SNRK: variants seen among roughly 807,000 people sequenced by gnomAD.
SNRK encodes the protein SNF-related serine/threonine-protein kinase.
SNRK carries 3 observed loss-of-function variants against 48.2 expected under a neutral mutation model. The ratio of observed to expected loss-of-function variants is 0.06; its 90% CI spans 0.03 to 0.16. The LOEUF (loss-of-function observed/expected upper bound fraction) is 0.16, where lower values mean the gene tolerates loss of function less well. Among genes scored for constraint, SNRK ranks in the 10% least tolerant of loss-of-function variants. The pLI, the probability that SNRK is intolerant of heterozygous loss-of-function variation, is 1.00. For synonymous variants in SNRK, 376 were observed against 366.1 expected (o/e 1.03, Z -0.31); for missense variants, 627 against 976.0 (o/e 0.64, Z 4.76).
At chr3:43,306,152 A>G (rs182459286) in intron 3 of SNRK, among the ~76,000 whole-genome samples, 1 of 152,234 alleles carries the variant, frequency 6.6e-6, no homozygotes, top group African/African-American at 2.4e-5. Flanking sequence ...TTCATAGGTA[A>G]CTTTTTCATT....
At position 43,349,450 on chromosome 3, in the gene SNRK, G is replaced by A. The variant is rs533110245; in HGVS notation, c.*893G>A. 2.6e-5 allele frequency: 4 copies of A among 152,142 alleles called. No individual in the cohort carries two copies. In the East Asian group the frequency reaches 7.7e-4, roughly 29 times the overall value. The allele number at this position is 152,142 out of a possible 1,614,324, so 9.4% of individuals were successfully genotyped here. A position where few individuals can be genotyped will look rare whatever the true frequency, so the allele number is the denominator to read the frequency against. ...CCTAGTACAGAAGGTGCACACAAAT[G>A]TTGGCAAAGTCAAAACCCCATGAAT... On this transcript the variant is annotated 3_prime_UTR_variant, in exon 7 of 7. Coordinates refer to ENST00000296088, the MANE Select transcript of SNRK (RefSeq NM_017719.5).
chr3:43,323,767 G>A (rs1007650239), intron 3 of SNRK, among the ~76,000 whole-genome samples: 6 of 149,840 alleles, frequency 4.0e-5, no homozygotes, highest in Middle Eastern at 3.4e-3. Context: ...CTATTGATGT[G>A]TACAACAACA....
At chr3:43,316,220 G>A (rs957474923) in intron 3 of SNRK, among the ~76,000 whole-genome samples, 3 of 151,886 alleles carry the variant, frequency 2.0e-5, no homozygotes, top group African/African-American at 7.3e-5. Context: ...TTCTCACTGT[G>A]TTATAAGGCT....
At chr3:43,345,896 G>A (rs1383744809) in intron 6 of SNRK, among the ~76,000 whole-genome samples, 2 of 152,168 alleles carry the variant, frequency 1.3e-5, no homozygotes, top group Admixed American at 6.5e-5. Context: ...CAGTACATTC[G>A]TATGGAAGAA....
intron 3 of SNRK, among the ~76,000 whole-genome samples, chr3:43,325,474 G>A (rs2091089233): frequency 1.3e-5 from 2 of 152,000 alleles, no homozygotes; most frequent in South Asian, 2.1e-4. Context: ...CCAAAAGACT[G>A]TGTTTTTAAC....
At position 43,337,760 on chromosome 3, in the gene SNRK, A is replaced by G. The variant is rs374194156; in HGVS notation, c.732-2527A>G. ...CTTCTTCACAAGGCAGCAGGAAGGAAAAGGAACTTAGGAGAAGCTACTGAA... is the reference window on the plus strand; with the variant it reads ...CTTCTTCACAAGGCAGCAGGAAGGAGAAGGAACTTAGGAGAAGCTACTGAA... On this transcript the variant is annotated intron_variant, in intron 4 of 6. Coordinates refer to ENST00000296088, the MANE Select transcript of SNRK (RefSeq NM_017719.5). Among the ~76,000 whole-genome samples the G allele has an allele frequency of 8.2e-4, 125 of 152,274 alleles. 1 individual carries two copies. The South Asian group carries it at 0.025, about 30-fold the overall frequency.
intron 4 of SNRK, among the ~76,000 whole-genome samples, chr3:43,338,534 G>A (rs563585048): frequency 6.6e-6 from 1 of 152,332 alleles, no homozygotes; most frequent in South Asian, 2.1e-4. Context: ...TGCTTAGGAT[G>A]TGTTAGGCTT....
chr3:43,340,731 G>A, intron 5 of SNRK: 1 of 533,694 alleles, frequency 1.9e-6, no homozygotes, highest in Admixed American at 3.2e-5. Context: ...GTTTCAGTGA[G>A]TGCTGTGGCC....
rs563262418 is a variant in SNRK at position 43,303,061 on chromosome 3, G to A, written c.-106-37G>A. ...ATTTTAAAGTTTGTGAAGAAAAGTC[G>A]CAGAAACTTAATTTTGTTTCTCTTC... On this transcript the variant is annotated intron_variant, in intron 2 of 6. Coordinates refer to ENST00000296088, the MANE Select transcript of SNRK (RefSeq NM_017719.5). This position sits in a 1 kb window ranked among gnomAD's most constrained non-coding sequence, Gnocchi z 6.2. The A allele has an allele frequency of 7.7e-5, 40 of 521,698 alleles. No homozygotes were observed. Among genetic ancestry groups the A allele is most frequent in the South Asian group, 1.6e-4 (3 of 18,956 alleles). The allele number at this position is 521,698 out of a possible 1,614,324, so 32.3% of individuals were successfully genotyped here.
At chr3:43,287,778 A>G (rs575066042) in intron 1 of SNRK, among the ~76,000 whole-genome samples, 1 of 152,340 alleles carries the variant, frequency 6.6e-6, no homozygotes, top group South Asian at 2.1e-4. Flanking sequence ...TCTTTAACTT[A>G]TCAGAATATA....
At position 43,318,783 on chromosome 3, in the gene SNRK, TGG is replaced by T. The variant is rs199557751; in HGVS notation, c.590-13384_590-13383del. On this transcript the variant is annotated intron_variant, in intron 3 of 6. Transcript: ENST00000296088. ...GCTCATGCCTTTAATCGCAGCACTT[TGG>T]GAGGCCGAGGCAGGTGAATCACATG... Among the ~76,000 whole-genome samples, 139 of 152,210 alleles carry T rather than the reference TGG, an allele frequency of 9.1e-4. 2 individuals carry two copies. In the East Asian group the frequency reaches 0.026, roughly 28 times the overall value.
intron 4 of SNRK, chr3:43,333,373 A>AG (rs2091162754): frequency 6.6e-6 from 1 of 150,714 alleles, no homozygotes; most frequent in African/African-American, 2.4e-5. Context: ...AAAAAAAAAA[A>AG]AAAAAAAAAA....
chr3:43,326,766 A>G (rs551740230), intron 3 of SNRK, among the ~76,000 whole-genome samples: 1 of 152,180 alleles, frequency 6.6e-6, no homozygotes, highest in Admixed American at 6.5e-5. Context: ...GGGGAAAAAA[A>G]TGATAAGCTT....
chr3:43,291,904 G>A (rs376020410), intron 1 of SNRK, among the ~76,000 whole-genome samples: 1 of 152,234 alleles, frequency 6.6e-6, no homozygotes, highest in East Asian at 1.9e-4. Context: ...ACTGGGTGTA[G>A]GACCTGGACA....
chr3:43,326,114 A>G (rs1290823701), intron 3 of SNRK, among the ~76,000 whole-genome samples: 1 of 152,094 alleles, frequency 6.6e-6, no homozygotes, highest in African/African-American at 2.4e-5. Flanking sequence ...TGTGATTGAT[A>G]ACACTTTGAC....
chr3:43,344,914 A>G (rs904403981), intron 6 of SNRK, among the ~76,000 whole-genome samples: 7 of 152,028 alleles, frequency 4.6e-5, no homozygotes, highest in African/African-American at 1.7e-4. Flanking sequence ...ACTCTCTTCT[A>G]TTCAGTGAAA....
intron 5 of SNRK, among the ~76,000 whole-genome samples, chr3:43,342,251 G>A (rs1161534503): frequency 6.6e-6 from 1 of 152,202 alleles, no homozygotes; most frequent in Non-Finnish European, 1.5e-5. Flanking sequence ...ATAGCTGGGT[G>A]AGCGTCTTGC....
chr3:43,343,680 C>G (rs115053975), intron 6 of SNRK, among the ~76,000 whole-genome samples: 1,718 of 152,166 alleles, frequency 0.011, 19 homozygotes, highest in Non-Finnish European at 0.017. Flanking sequence ...CCGTCCCCTT[C>G]TGGGCTCAGT....
intron 4 of SNRK, among the ~76,000 whole-genome samples, chr3:43,339,822 T>TATATAC (rs2091220143): frequency 3.1e-4 from 1 of 3,198 alleles, no homozygotes; most frequent in African/African-American, 1.9e-3. Flanking sequence ...TTCCAAAATA[T>TATATAC]ATATATATAT....
Sources: gnomAD v4.1 joint callset for allele counts (sites outside exome capture counted in the v4.1 genomes callset) on GRCh38, gnomAD v4.1.1 for gene constraint, Gnocchi (gnomAD v3.1) non-coding constraint, MANE v1.5 for transcripts, NCBI Gene and HGNC (gene_info 2026-07-23, HGNC 2026-07-21) for gene names.